Variants in HK1 observed in about 807,000 individuals in gnomAD.
The protein encoded by HK1 is hexokinase 1.
Under a neutral mutation model 91.6 loss-of-function variants are expected in HK1, and 28 were observed. The ratio of observed to expected loss-of-function variants is 0.31; its 90% CI spans 0.23 to 0.42. The LOEUF (loss-of-function observed/expected upper bound fraction) is 0.42. Ranked by LOEUF, HK1 falls within the 10% of genes least tolerant of loss-of-function variation. The probability of loss-of-function intolerance (pLI) is 1.00; values close to 1 mark genes in which losing one functional copy is unlikely to be tolerated. For synonymous variants in HK1, 430 were observed against 468.1 expected, an observed-to-expected ratio of 0.92 and a Z score of 1.05; for missense variants, 770 against 1,219.8, an observed-to-expected ratio of 0.63 and a Z score of 5.49.
At position 69,386,171 on chromosome 10, in the gene HK1, A is replaced by G. The variant is rs558719736; in HGVS notation, c.1840-152A>G. 59 of 694,702 alleles carry G rather than the reference A, an allele frequency of 8.5e-5. No homozygotes were observed. The Middle Eastern group carries it at 2.3e-3, about 27-fold the overall frequency. The allele number at this position is 694,702 out of a possible 1,614,324, so 43.0% of individuals were successfully genotyped here. A position where few individuals can be genotyped will look rare whatever the true frequency, so the allele number is the denominator to read the frequency against. On this transcript the variant is annotated intron_variant, in intron 12 of 17. Transcript: ENST00000359426. ...TGAGGATGGTGAGGAGGGTCTATTC[A>G]TATTTTATTGGTTTGTCCTCAGATG... is the stretch of plus-strand genomic sequence containing the variant.
At chr10:69,364,399 C>T (rs1018465763) in intron 3 of HK1, among the ~76,000 whole-genome samples, 2 of 151,928 alleles carry the variant, frequency 1.3e-5, no homozygotes, top group Admixed American at 6.6e-5. Context: ...TCGGGCGGGG[C>T]GGGAAGGCCA....
chr10:69,361,259 A>G (rs986970125), intron 3 of HK1, among the ~76,000 whole-genome samples: 2 of 152,152 alleles, frequency 1.3e-5, no homozygotes, highest in African/African-American at 4.8e-5. Context: ...TGGGTGCATC[A>G]CTACTGGATG....
chr10:69,343,384 G>A (rs1377818909), intron 1 of HK1, among the ~76,000 whole-genome samples: 2 of 152,194 alleles, frequency 1.3e-5, no homozygotes, highest in Admixed American at 6.6e-5. Context: ...TCACACAGCT[G>A]TTAAGCTCTG....
intron 2 of HK1, among the ~76,000 whole-genome samples, chr10:69,285,055 G>A (rs913936883): frequency 1.4e-4 from 21 of 152,026 alleles, no homozygotes; most frequent in Non-Finnish European, 2.9e-4. Context: ...CTGACCTCAG[G>A]TGTTCTGCCC....
At position 69,384,152 on chromosome 10, in the gene HK1, G is replaced by T. The variant is rs1479272371; in HGVS notation, c.1571-181G>T. Among the ~76,000 whole-genome samples the T allele has an allele frequency of 3.3e-5, 5 of 152,204 alleles. No individual in the cohort carries two copies. In the East Asian group the frequency reaches 9.6e-4, roughly 29 times the overall value. ...CCAGTGTGGCTCCAAGTCTGTGGTG[G>T]TCAGAGATGTGGTGCCCACTCTTCC... On this transcript the variant is annotated intron_variant, in intron 10 of 17. Coordinates refer to ENST00000359426, the MANE Select transcript of HK1 (RefSeq NM_000188.3).
chr10:69,341,023 C>T (rs905246142), intron 1 of HK1, among the ~76,000 whole-genome samples: 39 of 152,264 alleles, frequency 2.6e-4, no homozygotes, highest in African/African-American at 8.9e-4. Context: ...GGCTGTCTCT[C>T]CCTGCAGACC....
At chr10:69,376,899 A>T (rs1311874621) in intron 7 of HK1, 35 bp from the exon 8 acceptor site, 5 of 1,613,518 alleles carry the variant, frequency 3.1e-6, no homozygotes, top group Non-Finnish European at 4.2e-6. Flanking sequence ...GGCGCAGAGG[A>T]AGGCTGACAA....
rs1158871029 is a variant in HK1 at position 69,394,994 on chromosome 10, G to A, written c.2264G>A (p.Arg755His). 2.5e-6 allele frequency: 4 copies of A among 1,613,974 alleles called. No individual in the cohort carries two copies. The highest frequency in any genetic ancestry group is 3.4e-6 in the Non-Finnish European group (4 of 1,179,928). The change falls in exon 16 of 18, where the codon CGC becomes CAC. Residue 755 changes from arginine (R) to histidine (H), a missense_variant. This residue lies in a region of HK1 where 152 missense variants were observed against 211.1 expected (regional missense o/e 0.72). Transcript: ENST00000359426. ...ISGMYLGEIVRNILIDFTKKG... is the reference protein window; with the variant it reads ...ISGMYLGEIVHNILIDFTKKG... ...GGTATGTACCTGGGTGAAATCGTCC[G>A]CAACATCTTAATCGACTTCACCAAG...
intron 5 of HK1, among the ~76,000 whole-genome samples, chr10:69,305,072 G>A (rs1425477324): frequency 6.6e-6 from 1 of 152,104 alleles, no homozygotes; most frequent in Admixed American, 6.6e-5. Flanking sequence ...TTCTTTCTGT[G>A]TATGTCCCTT....
intron 1 of HK1, among the ~76,000 whole-genome samples, chr10:69,276,118 A>AAAAAAAAATAT: frequency 7.8e-5 from 3 of 38,270 alleles, no homozygotes; most frequent in Admixed American, 5.6e-4. Flanking sequence ...AAAAAAAAAA[A>AAAAAAAAATAT]ATACATATAT....
upstream of HK1, chr10:69,318,729 T>G: frequency 6.2e-6 from 5 of 811,488 alleles, no homozygotes; most frequent in African/African-American, 1.9e-5. Flanking sequence ...CCAATGGGCG[T>G]GGAGGAGGTG....
intron 15 of HK1, among the ~76,000 whole-genome samples, chr10:69,393,584 A>T (rs1840007525): frequency 6.6e-6 from 1 of 152,280 alleles, no homozygotes. Flanking sequence ...GGCGTGAGCC[A>T]CCGTGCCCAG....
At chr10:69,278,485 C>T (rs892447235) in intron 1 of HK1, 1 of 152,216 alleles carries the variant, frequency 6.6e-6, no homozygotes, top group African/African-American at 2.4e-5. Flanking sequence ...AGGCTCTGGG[C>T]CCCAGATTCC....
At chr10:69,278,478 C>T (rs1385560273) in intron 1 of HK1, 1 of 152,238 alleles carries the variant, frequency 6.6e-6, no homozygotes, top group Non-Finnish European at 1.5e-5. Context: ...TGTGGTCAGG[C>T]TCTGGGCCCC....
chr10:69,392,435 C>T (rs1839937138), intron 15 of HK1, 127 bp downstream of exon 15: 1 of 946,874 alleles, frequency 1.1e-6, no homozygotes, highest in Non-Finnish European at 1.7e-6. Flanking sequence ...AGACTGGACC[C>T]CCTGGCTCAC....
At chr10:69,294,585 G>T (rs185345435) in intron 3 of HK1, among the ~76,000 whole-genome samples, 1 of 152,154 alleles carries the variant, frequency 6.6e-6, no homozygotes, top group East Asian at 1.9e-4. Flanking sequence ...GGCCAGGCAC[G>T]GTGCCTCACA....
rs188319278 is a variant in HK1 at position 69,375,225 on chromosome 10, G to A, written c.876-1709G>A. Among the ~76,000 whole-genome samples the A allele has an allele frequency of 3.4e-3, 518 of 152,268 alleles. 1 individual carries two copies. The highest frequency in any genetic ancestry group is 3.3e-3 in the Non-Finnish European group (222 of 68,010). On this transcript the variant is annotated intron_variant, in intron 7 of 17. Transcript: ENST00000359426. Reference sequence around the variant, plus strand: ...GGAAAAGTGTCAGACACATAGGAAGGGCCACAGGCACTCATTGTTAGCCAG... The same window carrying A: ...GGAAAAGTGTCAGACACATAGGAAGAGCCACAGGCACTCATTGTTAGCCAG...
intron 5 of HK1, among the ~76,000 whole-genome samples, chr10:69,304,012 A>G (rs576659431): frequency 1.4e-4 from 22 of 152,284 alleles, no homozygotes; most frequent in East Asian, 7.7e-4. Flanking sequence ...CAGTTTATCA[A>G]TCTGGGGGGT....
chr10:69,384,257 C>G, intron 10 of HK1, 76 bp from the exon 11 acceptor site: 1 of 1,564,990 alleles, frequency 6.4e-7, no homozygotes, highest in Non-Finnish European at 8.8e-7. Flanking sequence ...CCTTGAAAGT[C>G]TGGAGTCTTG....
Sources: gnomAD v4.1 joint callset for allele counts (sites outside exome capture counted in the v4.1 genomes callset) on GRCh38, gnomAD v4.1.1 for gene constraint, gnomAD v4.1.1 regional missense constraint, MANE v1.5 for transcripts, NCBI Gene and HGNC (gene_info 2026-07-23, HGNC 2026-07-21) for gene names.